The following LRFN5 variants were observed in gnomAD, a reference collection of about 807,000 sequenced individuals.
LRFN5 encodes the protein leucine rich repeat and fibronectin type III domain containing 5.
In LRFN5, 24 loss-of-function variants were observed where a neutral mutation model predicts 45.6. The observed-to-expected ratio is 0.53, with a 90% CI of 0.38 to 0.74. The LOEUF is 0.74. Ranked by LOEUF, LRFN5 falls within the 30% of genes least tolerant of loss-of-function variation. The pLI is 0.00. For missense variants in LRFN5, 776 were observed against 861.5 expected, an observed-to-expected ratio of 0.90 and a Z score of 1.24; for synonymous variants, 340 against 313.8, an observed-to-expected ratio of 1.08 and a Z score of -0.88.
At chr14:41,873,571 A>G (rs1890094871) in intron 2 of LRFN5, among the ~76,000 whole-genome samples, 1 of 152,126 alleles carries the variant, frequency 6.6e-6, no homozygotes, top group Non-Finnish European at 1.5e-5. Context: ...TTATACCCTC[A>G]GTAAATTCAT....
chr14:41,680,756 C>A (rs1881849165), intron 1 of LRFN5, among the ~76,000 whole-genome samples: 1 of 151,996 alleles, frequency 6.6e-6, no homozygotes, highest in Non-Finnish European at 1.5e-5. Flanking sequence ...CGTGACCTCA[C>A]CAAATGAACT....
chr14:41,832,645 A>G (rs1327768889), intron 2 of LRFN5, among the ~76,000 whole-genome samples: 1 of 152,074 alleles, frequency 6.6e-6, no homozygotes, highest in African/African-American at 2.4e-5. Flanking sequence ...CATTAACCTT[A>G]TATTCGCTAT....
Position 41,794,850 on chromosome 14 carries a change from A to G in LRFN5, c.-21+27821A>G, listed in dbSNP as rs1189589414. Among the ~76,000 whole-genome samples, 7 of 152,140 alleles carry G rather than the reference A, an allele frequency of 4.6e-5. No individual in the cohort carries two copies. In the South Asian group the frequency reaches 1.2e-3, roughly 27 times the overall value. The stretch of plus-strand genomic sequence containing the variant: ...CAAAATTGTGGGGTTTTCTTGTTCC[A>G]TATTTGTTAATTGTGCAATGTGGTC... On this transcript the variant is annotated intron_variant, in intron 2 of 5. Coordinates refer to ENST00000298119, the MANE Select transcript of LRFN5 (RefSeq NM_152447.5).
At chr14:41,753,384 A>C (rs61992411) in intron 1 of LRFN5, among the ~76,000 whole-genome samples, 3 of 152,118 alleles carry the variant, frequency 2.0e-5, no homozygotes, top group Admixed American at 6.6e-5. Flanking sequence ...AATATTGCTT[A>C]TTCCTACCCA....
intron 1 of LRFN5, among the ~76,000 whole-genome samples, chr14:41,712,180 T>C (rs1012605662): frequency 2.0e-5 from 3 of 152,204 alleles, no homozygotes; most frequent in African/African-American, 7.2e-5. Flanking sequence ...AACAGTCTTA[T>C]AAACAGATCA....
In LRFN5 at chr14:41,822,284, G is replaced by A. The variant is rs149542478; in HGVS notation, c.-21+55255G>A. ...TTGTGATCTTTTCTATCCTTTCAAT[G>A]TAGGCATTTATTACTATAAACTCTT... On this transcript the variant is annotated intron_variant, in intron 2 of 5. Transcript: ENST00000298119. 1.8e-4 allele frequency among the ~76,000 whole-genome samples: 28 copies of A among 151,962 alleles called. No homozygotes were observed. The East Asian group carries it at 5.2e-3, about 28-fold the overall frequency.
chr14:41,888,054 G>A (rs1292515811), intron 3 of LRFN5, 44 bp downstream of exon 3: 1 of 1,454,368 alleles, frequency 6.9e-7, no homozygotes, highest in African/African-American at 1.4e-5. Flanking sequence ...ATGCATCTTA[G>A]TGTAGAATTT....
At chr14:41,737,926 A>G (rs1475870916) in intron 1 of LRFN5, among the ~76,000 whole-genome samples, 6 of 152,176 alleles carry the variant, frequency 3.9e-5, no homozygotes, top group African/African-American at 1.4e-4. Context: ...ATACCACCCA[A>G]AGTAATTTAT....
intron 2 of LRFN5, among the ~76,000 whole-genome samples, chr14:41,807,219 A>C (rs1887554990): frequency 6.6e-6 from 1 of 152,170 alleles, no homozygotes; most frequent in African/African-American, 2.4e-5. Flanking sequence ...TTGATTTTCT[A>C]CCTATTGAAG....
At chr14:41,714,104 T>C (rs1883391422) in intron 1 of LRFN5, among the ~76,000 whole-genome samples, 1 of 152,136 alleles carries the variant, frequency 6.6e-6, no homozygotes, top group South Asian at 2.1e-4. Context: ...GTATCCTTTG[T>C]ATGGCAATCA....
intron 1 of LRFN5, among the ~76,000 whole-genome samples, chr14:41,671,617 G>C (rs60118677): frequency 3.8e-5 from 3 of 78,016 alleles, no homozygotes; most frequent in African/African-American, 5.4e-5. Flanking sequence ...TTTTTTTTTC[G>C]TTTTTTTTTT....
intron 2 of LRFN5, among the ~76,000 whole-genome samples, chr14:41,805,120 C>A (rs969100532): frequency 6.7e-6 from 1 of 149,890 alleles, no homozygotes; most frequent in African/African-American, 2.5e-5. Flanking sequence ...TCTGTATTTT[C>A]AATTTAAATA....
intron 1 of LRFN5, among the ~76,000 whole-genome samples, chr14:41,761,691 A>T (rs1885677641): frequency 6.6e-6 from 1 of 152,180 alleles, no homozygotes; most frequent in South Asian, 2.1e-4. Flanking sequence ...GGGAAAAAAA[A>T]GTTTATAACA....
chr14:41,740,620 G>A (rs907210348), intron 1 of LRFN5, among the ~76,000 whole-genome samples: 6 of 151,834 alleles, frequency 4.0e-5, no homozygotes, highest in Non-Finnish European at 4.4e-5. Context: ...AAAGTTGAAA[G>A]CTTTTCTTCT....
At chr14:41,806,072 G>T (rs1438481521) in intron 2 of LRFN5, among the ~76,000 whole-genome samples, 11 of 152,096 alleles carry the variant, frequency 7.2e-5, no homozygotes, top group African/African-American at 2.7e-4. Context: ...ATATGTCAAA[G>T]AAATATATTT....
chr14:41,818,881 A>T (rs115485098), intron 2 of LRFN5, among the ~76,000 whole-genome samples: 2,241 of 152,112 alleles, frequency 0.015, 52 homozygotes, highest in African/African-American at 0.05. Context: ...CTCATCCCTC[A>T]TGCCCCTCCT....
At chr14:41,740,259 C>G (rs535290453) in intron 1 of LRFN5, among the ~76,000 whole-genome samples, 2 of 151,824 alleles carry the variant, frequency 1.3e-5, no homozygotes, top group Admixed American at 6.6e-5. Context: ...AACAACAGGC[C>G]AAAATCCCTG....
chr14:41,896,809 TA>T (rs1165013566), intron 4 of LRFN5, among the ~76,000 whole-genome samples: 1 of 151,944 alleles, frequency 6.6e-6, no homozygotes, highest in African/African-American at 2.4e-5. Context: ...AAAAGAGTGG[TA>T]GGCCGGGCTC....
At chr14:41,875,066 G>A (rs1181097791) in intron 2 of LRFN5, among the ~76,000 whole-genome samples, 3 of 152,086 alleles carry the variant, frequency 2.0e-5, no homozygotes, top group African/African-American at 7.3e-5. Flanking sequence ...GATTTGGGTG[G>A]GGAGAAAGTC....
Sources: allele counts gnomAD v4.1 joint callset (sites outside exome capture counted in the v4.1 genomes callset), GRCh38; gene constraint gnomAD v4.1.1; transcripts MANE v1.5; gene names NCBI Gene and HGNC (gene_info 2026-07-23, HGNC 2026-07-21).